PDE6G: variants seen among roughly 807,000 people sequenced by gnomAD.
PDE6G encodes the protein rod cGMP 3',5'-cyclic phosphodiesterase subunit gamma.
Under a neutral mutation model 10.9 loss-of-function variants are expected in PDE6G, and 10 were observed. The ratio of observed to expected loss-of-function variants is 0.91; its 90% confidence interval spans 0.56 to 1.55. The LOEUF is 1.55. Among genes scored for constraint, PDE6G ranks in the 40% most tolerant of loss-of-function variants. The pLI is 0.00. For missense variants in PDE6G, 102 were observed against 110.1 expected, an observed-to-expected ratio of 0.93 and a Z score of 0.33; for synonymous variants, 41 against 42.8, an observed-to-expected ratio of 0.96 and a Z score of 0.16.
At chr17:81,658,607 G>A (rs1343814141), upstream of PDE6G, among the ~76,000 whole-genome samples, 4 of 151,816 alleles carry the variant, frequency 2.6e-5, no homozygotes, top group Admixed American at 1.3e-4. Flanking sequence ...TTGGGAGGCC[G>A]AGGCAGGTGG....
upstream of PDE6G, chr17:81,656,614 A>G (rs1265387387): frequency 1.4e-6 from 1 of 728,908 alleles, no homozygotes; most frequent in African/African-American, 1.7e-5. Context: ...TGCCACCCTA[A>G]TGAGATTGTT....
upstream of PDE6G, chr17:81,656,634 G>T: frequency 2.8e-6 from 2 of 709,934 alleles, no homozygotes; most frequent in Non-Finnish European, 5.1e-6. Flanking sequence ...TGGGCCCCGA[G>T]GGGGGGCACA....
intron 1 of PDE6G, among the ~76,000 whole-genome samples, chr17:81,662,430 C>G (rs1464874158): frequency 6.6e-6 from 1 of 152,152 alleles, no homozygotes; most frequent in East Asian, 1.9e-4. Context: ...GGAGACCTGC[C>G]TGACCAACAT....
chr17:81,652,434 G>A (rs990873834), intron 2 of PDE6G, among the ~76,000 whole-genome samples: 6 of 151,730 alleles, frequency 4.0e-5, no homozygotes, highest in African/African-American at 9.7e-5. Context: ...CCGCCACCAC[G>A]CCCGGCTAAT....
chr17:81,651,439 G>A lies in PDE6G; in HGVS notation c.187+206C>T, dbSNP rs74718994. Among the ~76,000 whole-genome samples the A allele has an allele frequency of 1.3e-3, 195 of 152,200 alleles. 6 individuals are homozygous for A. The East Asian group carries it at 0.033, about 26-fold the overall frequency. ...AAACCCCTCCCCTCACCTGGTGCAA[G>A]TGTCCCAAATGGGGACAGCCCCACC... On this transcript the variant is annotated intron_variant, in intron 3 of 3. Transcript: ENST00000331056. This position sits in a 1 kb window ranked among gnomAD's most constrained non-coding sequence, Gnocchi z 4.8.
upstream of PDE6G, among the ~76,000 whole-genome samples, chr17:81,658,807 C>G (rs1203424576): frequency 6.6e-6 from 1 of 152,020 alleles, no homozygotes; most frequent in African/African-American, 2.4e-5. Context: ...CACCACTGCA[C>G]TCCAGCCTGG....
Position 81,651,607 on chromosome 17 carries a change from C to A in PDE6G, c.187+38G>T. On this transcript the variant is annotated intron_variant, in intron 3 of 3. Transcript: ENST00000331056. This position sits in a 1 kb window ranked among gnomAD's most constrained non-coding sequence, Gnocchi z 4.8. ...GCGTGCTGGGTGTGCCTGGGGGGAC[C>A]TGGGCAGACCTCGGGTTGGTACTGG... 6 of 1,609,678 alleles carry A rather than the reference C, an allele frequency of 3.7e-6. No individual in the cohort carries two copies. The highest frequency in any genetic ancestry group is 5.1e-6 in the Non-Finnish European group (6 of 1,176,122).
In PDE6G at chr17:81,653,429, A is replaced by G. The variant is rs1337463517; in HGVS notation, c.-59-65T>C. The G allele has an allele frequency of 1.7e-6, 2 of 1,143,330 alleles. No individual in the cohort carries two copies. Among genetic ancestry groups the G allele is most frequent in the African/African-American group, 1.5e-5 (1 of 65,320 alleles). The allele number at this position is 1,143,330 out of a possible 1,614,324, so 70.8% of individuals were successfully genotyped here. A position where few individuals can be genotyped will look rare whatever the true frequency, so the allele number is the denominator to read the frequency against. ...GCTTCCAACCCTTGTGGGGGTCTCA[A>G]CCCACCGGTGGAGGGGCTGAGACCC... On this transcript the variant is annotated intron_variant, in intron 1 of 3. Coordinates refer to ENST00000331056, the MANE Select transcript of PDE6G (RefSeq NM_002602.4). The surrounding 1 kb of genome is among the most constrained non-coding windows in gnomAD (Gnocchi z 5.2).
chr17:81,658,032 C>A (rs893278970), upstream of PDE6G, among the ~76,000 whole-genome samples: 3 of 150,950 alleles, frequency 2.0e-5, no homozygotes, highest in South Asian at 2.1e-4. Flanking sequence ...TGAGACCCCC[C>A]CATCTCTACA....
upstream of PDE6G, among the ~76,000 whole-genome samples, chr17:81,659,032 C>G (rs992334463): frequency 6.6e-6 from 1 of 151,922 alleles, no homozygotes; most frequent in African/African-American, 2.4e-5. Flanking sequence ...AATCACTAGT[C>G]CAGAAAGGAC....
intron 1 of PDE6G, among the ~76,000 whole-genome samples, chr17:81,654,769 A>G (rs901305863): frequency 6.9e-6 from 1 of 144,100 alleles, no homozygotes; most frequent in Non-Finnish European, 1.5e-5. Flanking sequence ...TTTTTTTTAG[A>G]CGGAGTCTCG....
In PDE6G at chr17:81,651,890, A is replaced by G. The variant is rs1017410266; in HGVS notation, c.147-205T>C. Reference sequence around the variant, plus strand: ...CAGACCCAGGGTGAGTCTGCTGCCCAGAGCATCATGGGGCTGAGGCCTAGA... The same window carrying G: ...CAGACCCAGGGTGAGTCTGCTGCCCGGAGCATCATGGGGCTGAGGCCTAGA... On this transcript the variant is annotated intron_variant, in intron 2 of 3. Transcript: ENST00000331056. This position sits in a 1 kb window ranked among gnomAD's most constrained non-coding sequence, Gnocchi z 4.8. Among the ~76,000 whole-genome samples, 2 of 152,208 alleles carry G rather than the reference A, an allele frequency of 1.3e-5. No homozygotes were observed. The highest frequency in any genetic ancestry group is 2.9e-5 in the Non-Finnish European group (2 of 68,028).
chr17:81,650,920 A>C lies in PDE6G; in HGVS notation c.*154T>G. ...AGGTGGTGGGCTCCTGGTGACTGGTATTAATATGTAGGGGGAGACCTGAGG... is the reference window on the plus strand; with the variant it reads ...AGGTGGTGGGCTCCTGGTGACTGGTCTTAATATGTAGGGGGAGACCTGAGG... On this transcript the variant is annotated 3_prime_UTR_variant, in exon 4 of 4. Transcript: ENST00000331056. 1.4e-6 allele frequency: 1 copy of C among 693,170 alleles called. No individual in the cohort carries two copies. The highest frequency in any genetic ancestry group is 2.7e-6 in the Non-Finnish European group (1 of 374,288). 42.9% of individuals were successfully genotyped at this position (693,170 alleles called of 1,614,324 possible). A position where few individuals can be genotyped will look rare whatever the true frequency, so the allele number is the denominator to read the frequency against.
chr17:81,654,634 G>A (rs1190343105), intron 1 of PDE6G, among the ~76,000 whole-genome samples: 4 of 151,012 alleles, frequency 2.6e-5, no homozygotes, highest in Non-Finnish European at 5.9e-5. Flanking sequence ...CACCCGCCTC[G>A]GCCTCCCAAA....
At chr17:81,661,142 C>T (rs962133921), upstream of PDE6G, among the ~76,000 whole-genome samples, 4 of 152,214 alleles carry the variant, frequency 2.6e-5, no homozygotes, top group Admixed American at 6.5e-5. Flanking sequence ...AATCACAGCA[C>T]TTTGGAGGCC....
intron 1 of PDE6G, among the ~76,000 whole-genome samples, chr17:81,662,715 T>C (rs2036524738): frequency 6.6e-6 from 1 of 152,150 alleles, no homozygotes; most frequent in Non-Finnish European, 1.5e-5. Flanking sequence ...AACTAAGCAG[T>C]TGGCCGGGCA....
intron 1 of PDE6G, among the ~76,000 whole-genome samples, chr17:81,662,412 C>A (rs1454497483): frequency 6.6e-6 from 1 of 152,136 alleles, no homozygotes; most frequent in Non-Finnish European, 1.5e-5. Context: ...GGCTTGAGGT[C>A]AGGAGTTGGA....
chr17:81,654,889 A>T (rs1568188361), intron 1 of PDE6G, among the ~76,000 whole-genome samples: 1 of 151,562 alleles, frequency 6.6e-6, no homozygotes, highest in Non-Finnish European at 1.5e-5. Context: ...CTGGGACTAC[A>T]GGCGCCCGAC....
rs555797185 is a variant in PDE6G at position 81,651,348 on chromosome 17, AG to A, written c.188-199del. Among the ~76,000 whole-genome samples the A allele has an allele frequency of 6.6e-6, 1 of 151,684 alleles. No individual in the cohort carries two copies. The highest frequency in any genetic ancestry group is 3.2e-3 in the Middle Eastern group (1 of 316). On this transcript the variant is annotated intron_variant, in intron 3 of 3. Coordinates refer to ENST00000331056, the MANE Select transcript of PDE6G (RefSeq NM_002602.4). The surrounding 1 kb of genome is among the most constrained non-coding windows in gnomAD (Gnocchi z 4.8). ...AGGGTGGGTGCAGCAGGTCCAGGGG[AG>A]GGAACCAGAGGAGGGTGGGGCTTGC... is the stretch of plus-strand genomic sequence containing the variant.
Sources: allele counts gnomAD v4.1 joint callset (sites outside exome capture counted in the v4.1 genomes callset), GRCh38; gene constraint gnomAD v4.1.1; non-coding constraint Gnocchi (gnomAD v3.1); transcripts MANE v1.5; gene names NCBI Gene and HGNC (gene_info 2026-07-23, HGNC 2026-07-21).